Variants in CYP19A1 observed in about 807,000 individuals in gnomAD.
The protein encoded by CYP19A1 is aromatase.
In CYP19A1, 32 loss-of-function variants were observed where a neutral mutation model predicts 44.4. That is an observed-to-expected ratio of 0.72 (90% CI 0.54 to 0.97). CYP19A1 has a LOEUF of 0.97. CYP19A1 is among the 50% of genes least tolerant of loss of function. The pLI, the probability that CYP19A1 is intolerant of heterozygous loss-of-function variation, is 0.00. For synonymous variants in CYP19A1, 212 were observed against 215.6 expected (o/e 0.98, Z 0.14); for missense variants, 598 against 637.8 (o/e 0.94, Z 0.67).
intron 1 of CYP19A1, among the ~76,000 whole-genome samples, chr15:51,269,740 G>C (rs1458039588): frequency 6.6e-6 from 1 of 152,124 alleles, no homozygotes; most frequent in East Asian, 1.9e-4. Flanking sequence ...TCTTTGCTTG[G>C]GGGTTCCCTA....
chr15:51,227,844 T>G lies in CYP19A1; in HGVS notation c.386A>C (p.Glu129Ala), dbSNP rs770701615. Residue 129 changes from glutamate (E) to alanine (A), a missense_variant, in exon 4 of 10, where the codon GAG (glutamate) becomes GCG (alanine). Glu to Ala is a moderately radical substitution (Grantham distance 107). Transcript: ENST00000396402. ...ATTGTTGTTAAATATGATGCCTTTC[T>G]CATGCATACCGATGCACTGCAGCCC... Reference protein sequence around the residue: ...KLGLQCIGMHEKGIIFNNNPE... With the variant: ...KLGLQCIGMHAKGIIFNNNPE... 1 of 1,530,516 alleles carries G rather than the reference T, an allele frequency of 6.5e-7. No individual in the cohort carries two copies. The highest frequency in any genetic ancestry group is 1.7e-5 in the Admixed American group (1 of 59,924). The allele number at this position is 1,530,516 out of a possible 1,614,324, so 94.8% of individuals were successfully genotyped here. A position where few individuals can be genotyped will look rare whatever the true frequency, so the allele number is the denominator to read the frequency against.
intron 1 of CYP19A1, among the ~76,000 whole-genome samples, chr15:51,304,725 C>T (rs1361337423): frequency 6.6e-6 from 1 of 152,046 alleles, no homozygotes; most frequent in Non-Finnish European, 1.5e-5. Context: ...GTGACTTGAC[C>T]ATGTCTCTTT....
At chr15:51,282,260 G>A (rs2035544168) in intron 1 of CYP19A1, among the ~76,000 whole-genome samples, 1 of 152,140 alleles carries the variant, frequency 6.6e-6, no homozygotes, top group African/African-American at 2.4e-5. Context: ...AAAGCTGAGT[G>A]TTGGGAAAAA....
At chr15:51,231,025 T>C (rs2032989502) in intron 3 of CYP19A1, among the ~76,000 whole-genome samples, 8 of 152,212 alleles carry the variant, frequency 5.3e-5, no homozygotes, top group Admixed American at 5.2e-4. Context: ...TTACCCAGCT[T>C]AAATTCTAGG....
chr15:51,258,047 C>T (rs1042637578), intron 1 of CYP19A1, among the ~76,000 whole-genome samples: 1 of 152,172 alleles, frequency 6.6e-6, no homozygotes, highest in African/African-American at 2.4e-5. Context: ...CAATGAAGTC[C>T]AGAATAGAAG....
chr15:51,315,239 G>A (rs75475736), intron 1 of CYP19A1, among the ~76,000 whole-genome samples: 6,320 of 152,110 alleles, frequency 0.042, 323 homozygotes, highest in African/African-American at 0.12. Flanking sequence ...GCTGCAGTCC[G>A]GTCAGAAGGT....
At chr15:51,211,105 C>T (rs1313889958) in intron 9 of CYP19A1, 49 bp from the exon 10 acceptor site, 1 of 1,306,922 alleles carries the variant, frequency 7.7e-7, no homozygotes, top group Non-Finnish European at 1.1e-6. Flanking sequence ...GCTAGAGTCA[C>T]TCAGTCTCTG....
intron 1 of CYP19A1, among the ~76,000 whole-genome samples, chr15:51,279,345 GA>G (rs1428823693): frequency 6.6e-6 from 1 of 152,202 alleles, no homozygotes; most frequent in African/African-American, 2.4e-5. Context: ...TGGGGGCTGG[GA>G]TGGGAGCCCA....
chr15:51,233,213 A>G (rs931675092), intron 3 of CYP19A1, among the ~76,000 whole-genome samples: 3 of 144,958 alleles, frequency 2.1e-5, no homozygotes, highest in East Asian at 4.0e-4. Context: ...TTCTTTTTCT[A>G]TGTAACACCT....
chr15:51,319,380 T>G (rs2036487640), intron 1 of CYP19A1, among the ~76,000 whole-genome samples: 1 of 152,228 alleles, frequency 6.6e-6, no homozygotes. Flanking sequence ...TTTAAGTAAT[T>G]TAAATTTATG....
chr15:51,322,541 T>C (rs554071328), intron 1 of CYP19A1, among the ~76,000 whole-genome samples: 49 of 152,348 alleles, frequency 3.2e-4, no homozygotes, highest in Non-Finnish European at 5.9e-4. Flanking sequence ...CTAGAAATAC[T>C]CAAATGCCAG....
At chr15:51,264,719 G>C (rs1490257857) in intron 1 of CYP19A1, among the ~76,000 whole-genome samples, 1 of 152,172 alleles carries the variant, frequency 6.6e-6, no homozygotes, top group Non-Finnish European at 1.5e-5. Flanking sequence ...AGGAACTGGG[G>C]TGGGGTGCAG....
intron 1 of CYP19A1, among the ~76,000 whole-genome samples, chr15:51,282,011 G>T (rs761885203): frequency 6.6e-6 from 1 of 152,134 alleles, no homozygotes; most frequent in African/African-American, 2.4e-5. Flanking sequence ...CAAATAAAGA[G>T]AAATAAACCA....
intron 1 of CYP19A1, among the ~76,000 whole-genome samples, chr15:51,316,648 G>A (rs1174895037): frequency 1.3e-5 from 2 of 151,538 alleles, no homozygotes; most frequent in African/African-American, 4.9e-5. Context: ...GAAGGCCGAA[G>A]TGGGTGCATT....
chr15:51,270,882 G>A (rs1367959985), intron 1 of CYP19A1, among the ~76,000 whole-genome samples: 1 of 152,146 alleles, frequency 6.6e-6, no homozygotes, highest in Non-Finnish European at 1.5e-5. Context: ...TCAGCACGTG[G>A]CCCTGTGGGT....
intron 1 of CYP19A1, among the ~76,000 whole-genome samples, chr15:51,258,151 C>A (rs2034583475): frequency 6.6e-6 from 1 of 152,182 alleles, no homozygotes; most frequent in African/African-American, 2.4e-5. Context: ...CTTTTCTCCC[C>A]TCTCCTTTGT....
At chr15:51,310,782 C>T (rs1185476339) in intron 1 of CYP19A1, among the ~76,000 whole-genome samples, 1 of 152,134 alleles carries the variant, frequency 6.6e-6, no homozygotes, top group African/African-American at 2.4e-5. Flanking sequence ...GGAAAAGGAG[C>T]TGGTCCTTTT....
chr15:51,308,467 T>C (rs575245110), intron 1 of CYP19A1, among the ~76,000 whole-genome samples: 26 of 152,320 alleles, frequency 1.7e-4, no homozygotes, highest in African/African-American at 5.5e-4. Flanking sequence ...GATTGAATTA[T>C]ATCCCAGGGA....
intron 1 of CYP19A1, among the ~76,000 whole-genome samples, chr15:51,287,286 C>T (rs1167095001): frequency 6.6e-6 from 1 of 152,220 alleles, no homozygotes; most frequent in East Asian, 1.9e-4. Flanking sequence ...GCTCCTCAGT[C>T]AAGGGAGAAG....
Sources: allele counts gnomAD v4.1 joint callset (sites outside exome capture counted in the v4.1 genomes callset), GRCh38; gene constraint gnomAD v4.1.1; transcripts MANE v1.5; gene names NCBI Gene and HGNC (gene_info 2026-07-23, HGNC 2026-07-21).